SHISA9: variants seen among roughly 807,000 people sequenced by gnomAD.
SHISA9 encodes shisa family member 9.
A neutral mutation model predicts 38.0 loss-of-function variants in SHISA9; 13 were observed. The observed-to-expected ratio is 0.34, with a 90% CI of 0.22 to 0.54. SHISA9 has a LOEUF of 0.54. Among genes scored for constraint, SHISA9 ranks in the 20% least tolerant of loss-of-function variants. SHISA9 has a pLI of 0.91. For synonymous variants in SHISA9, 275 were observed against 242.0 expected (o/e 1.14, Z -1.27); for missense variants, 538 against 575.8 (o/e 0.93, Z 0.67).
chr16:13,018,552 G>T (rs1269577212), intron 2 of SHISA9, among the ~76,000 whole-genome samples: 1 of 152,202 alleles, frequency 6.6e-6, no homozygotes, highest in Non-Finnish European at 1.5e-5. Context: ...GGATGAAGGC[G>T]ATTTGCAGTG....
intron 2 of SHISA9, among the ~76,000 whole-genome samples, chr16:12,958,277 G>C (rs899481673): frequency 6.6e-6 from 1 of 152,154 alleles, no homozygotes; most frequent in African/African-American, 2.4e-5. Flanking sequence ...TCTATTGTTG[G>C]ACATCTAGGT....
rs564583581 is a variant in SHISA9, at chr16:13,137,468, T to A, written c.692-65926T>A. On this transcript the variant is annotated intron_variant, in intron 2 of 4. Coordinates refer to ENST00000558583, the MANE Select transcript of SHISA9 (RefSeq NM_001145204.3). Reference sequence around the variant, plus strand: ...GGAGGATCTAATCTTTTTATTTTTTTTTTTTTGAGACAGAGTCTCAATCTG... The same window carrying A: ...GGAGGATCTAATCTTTTTATTTTTTATTTTTTGAGACAGAGTCTCAATCTG... Among the ~76,000 whole-genome samples, 248 of 152,002 alleles carry A rather than the reference T, an allele frequency of 1.6e-3. No homozygotes were observed. The Middle Eastern group carries it at 0.024, about 15-fold the overall frequency.
chr16:13,499,884 A>C, the SHISA9 span, among the ~76,000 whole-genome samples: 1 of 152,162 alleles, frequency 6.6e-6, no homozygotes, highest in African/African-American at 2.4e-5. Flanking sequence ...ACAAAGAACA[A>C]TGGTTGAGCA....
the SHISA9 span, among the ~76,000 whole-genome samples, chr16:13,259,877 G>A: frequency 6.6e-6 from 1 of 152,094 alleles, no homozygotes; most frequent in Admixed American, 6.5e-5. Flanking sequence ...TGCCATGAAG[G>A]TCTCTGACAT....
chr16:13,297,933 T>C, the SHISA9 span, among the ~76,000 whole-genome samples: 1 of 152,134 alleles, frequency 6.6e-6, no homozygotes, highest in Non-Finnish European at 1.5e-5. Flanking sequence ...ATTTTGTATT[T>C]TTAGTAGAGA....
chr16:13,065,321 T>C (rs1369411485), intron 2 of SHISA9, among the ~76,000 whole-genome samples: 1 of 152,176 alleles, frequency 6.6e-6, no homozygotes, highest in East Asian at 1.9e-4. Flanking sequence ...CCCATCTCCT[T>C]ACCCCTATGT....
intron 2 of SHISA9, among the ~76,000 whole-genome samples, chr16:13,030,680 G>A (rs551453032): frequency 3.8e-4 from 58 of 152,332 alleles, no homozygotes; most frequent in African/African-American, 1.3e-3. Flanking sequence ...TCACAGTGTA[G>A]TACAGTTACC....
chr16:13,192,033 C>T (rs899181473), intron 2 of SHISA9, among the ~76,000 whole-genome samples: 5 of 152,150 alleles, frequency 3.3e-5, no homozygotes, highest in Non-Finnish European at 7.3e-5. Context: ...CTATGGAATT[C>T]TATGCAGCCA....
At chr16:13,173,902 C>G (rs974139446) in intron 2 of SHISA9, among the ~76,000 whole-genome samples, 10 of 152,110 alleles carry the variant, frequency 6.6e-5, no homozygotes, top group African/African-American at 2.2e-4. Context: ...GAGATGATGG[C>G]TGATTGGAGT....
At chr16:13,486,764 G>A in the SHISA9 span, among the ~76,000 whole-genome samples, 2 of 152,150 alleles carry the variant, frequency 1.3e-5, no homozygotes, top group Non-Finnish European at 1.5e-5. Flanking sequence ...GAGTGCAATG[G>A]CATGATCTCA....
intron 3 of SHISA9, among the ~76,000 whole-genome samples, chr16:13,207,045 C>T (rs1300910781): frequency 1.3e-5 from 2 of 152,154 alleles, no homozygotes; most frequent in South Asian, 4.1e-4. Context: ...TTTAAAAAAT[C>T]AACAGGCCAG....
intron 2 of SHISA9, among the ~76,000 whole-genome samples, chr16:13,043,983 T>G (rs2073160594): frequency 6.6e-6 from 1 of 152,234 alleles, no homozygotes; most frequent in South Asian, 2.1e-4. Context: ...TTTATTTCTC[T>G]TTGTATCACT....
At chr16:13,300,092 A>T in the SHISA9 span, among the ~76,000 whole-genome samples, 2 of 152,118 alleles carry the variant, frequency 1.3e-5, no homozygotes, top group African/African-American at 4.8e-5. Context: ...GACAGACTAA[A>T]ATTGCACCTT....
At chr16:13,076,793 T>G (rs1397864968) in intron 2 of SHISA9, among the ~76,000 whole-genome samples, 1 of 152,206 alleles carries the variant, frequency 6.6e-6, no homozygotes, top group East Asian at 1.9e-4. Context: ...TACTTGGTTG[T>G]CACCTCCACA....
the SHISA9 span, among the ~76,000 whole-genome samples, chr16:13,287,471 G>A: frequency 6.6e-5 from 10 of 152,200 alleles, no homozygotes; most frequent in Non-Finnish European, 1.5e-4. Context: ...ATCAGGTAAA[G>A]ATCACTGGCA....
At chr16:13,187,637 T>C (rs182892222) in intron 2 of SHISA9, among the ~76,000 whole-genome samples, 8 of 152,082 alleles carry the variant, frequency 5.3e-5, no homozygotes, top group African/African-American at 1.9e-4. Flanking sequence ...GCCCAGCCCA[T>C]CTGGGGAACT....
chr16:13,367,812 A>G, the SHISA9 span, among the ~76,000 whole-genome samples: 5 of 151,794 alleles, frequency 3.3e-5, no homozygotes, highest in African/African-American at 4.8e-5. Flanking sequence ...TGGGCATTCC[A>G]CAGTCTTCCA....
the SHISA9 span, among the ~76,000 whole-genome samples, chr16:13,259,230 A>G: frequency 6.6e-6 from 1 of 152,114 alleles, no homozygotes; most frequent in African/African-American, 2.4e-5. Context: ...CTCTAAAACG[A>G]TCTCCTTTGA....
At chr16:13,046,953 C>G (rs117251502) in intron 2 of SHISA9, among the ~76,000 whole-genome samples, 117 of 152,244 alleles carry the variant, frequency 7.7e-4, no homozygotes, top group Middle Eastern at 3.4e-3. Flanking sequence ...GTGGCTCTTA[C>G]CCCCTGTGTG....
Sources: gnomAD v4.1 joint callset for allele counts (sites outside exome capture counted in the v4.1 genomes callset) on GRCh38, gnomAD v4.1.1 for gene constraint, MANE v1.5 for transcripts, NCBI Gene and HGNC (gene_info 2026-07-23, HGNC 2026-07-21) for gene names.